PRKCE: variants seen among roughly 807,000 people sequenced by gnomAD.
The protein encoded by PRKCE is protein kinase C epsilon type.
Under a neutral mutation model 85.4 loss-of-function variants are expected in PRKCE, and 16 were observed. That is an observed-to-expected ratio of 0.19 (90% CI 0.13 to 0.28). The LOEUF (loss-of-function observed/expected upper bound fraction) is 0.28. PRKCE is among the 10% of genes least tolerant of loss of function. The pLI is 1.00. For missense variants in PRKCE, 573 were observed against 975.2 expected (o/e 0.59, Z 5.49); for synonymous variants, 388 against 371.5 (o/e 1.04, Z -0.51).
intron 1 of PRKCE, among the ~76,000 whole-genome samples, chr2:45,723,869 C>G (rs149868146): frequency 1.3e-5 from 2 of 152,312 alleles, no homozygotes; most frequent in East Asian, 3.9e-4. Flanking sequence ...TCCCAAAGTG[C>G]TGGGATTACA....
chr2:46,137,508 C>T (rs565395187), intron 11 of PRKCE, among the ~76,000 whole-genome samples: 8 of 150,902 alleles, frequency 5.3e-5, no homozygotes, highest in African/African-American at 9.7e-5. Context: ...CCTAGCACTT[C>T]GGGAGGCCAA....
chr2:45,701,428 C>T (rs1678631888), intron 1 of PRKCE: 1 of 152,142 alleles, frequency 6.6e-6, no homozygotes. Context: ...AAAAATGCTC[C>T]CATCAGTTAC....
At chr2:45,682,324 G>A (rs965343267) in intron 1 of PRKCE, among the ~76,000 whole-genome samples, 6 of 152,076 alleles carry the variant, frequency 3.9e-5, no homozygotes, top group Non-Finnish European at 8.8e-5. Flanking sequence ...TTTTACAGAG[G>A]GTGCCTGTCT....
At chr2:45,822,755 T>C (rs1689638805) in intron 1 of PRKCE, among the ~76,000 whole-genome samples, 1 of 152,238 alleles carries the variant, frequency 6.6e-6, no homozygotes, top group Admixed American at 6.5e-5. Flanking sequence ...GACTTTTCTA[T>C]AGATTTCTCT....
chr2:45,805,201 CT>C lies in PRKCE; in HGVS notation c.349-37797del, dbSNP rs1169228530. ...TAGACACTATTACTACGATTCCTAT[CT>C]TACAGATGAGAAAACAGAGCCATAG... On this transcript the variant is annotated intron_variant, in intron 1 of 14. Transcript: ENST00000306156. 2.6e-5 allele frequency among the ~76,000 whole-genome samples: 4 copies of C among 152,180 alleles called. No individual in the cohort carries two copies. In the East Asian group the frequency reaches 7.7e-4, roughly 29 times the overall value.
chr2:46,006,228 T>C (rs1025087125), intron 8 of PRKCE, among the ~76,000 whole-genome samples: 9 of 152,246 alleles, frequency 5.9e-5, no homozygotes, highest in Non-Finnish European at 1.2e-4. Flanking sequence ...GAAAAACCTT[T>C]TCTTCAAGCT....
intron 10 of PRKCE, among the ~76,000 whole-genome samples, chr2:46,027,157 A>G (rs556463216): frequency 1.1e-4 from 16 of 152,266 alleles, no homozygotes; most frequent in Non-Finnish European, 2.2e-4. Flanking sequence ...CAACAGAGCA[A>G]GACCCTGTCT....
intron 1 of PRKCE, among the ~76,000 whole-genome samples, chr2:45,813,097 C>T (rs183850054): frequency 6.6e-6 from 1 of 152,224 alleles, no homozygotes; most frequent in African/African-American, 2.4e-5. Context: ...GGAGAGAATC[C>T]GCTTTTGGCA....
intron 2 of PRKCE, among the ~76,000 whole-genome samples, chr2:45,858,852 C>G (rs1310413600): frequency 2.6e-5 from 4 of 151,892 alleles, no homozygotes; most frequent in South Asian, 4.2e-4. Flanking sequence ...ACCAGCCTGG[C>G]CAACATGGTG....
chr2:46,005,039 C>A (rs1010144404), intron 8 of PRKCE, among the ~76,000 whole-genome samples: 3 of 152,170 alleles, frequency 2.0e-5, no homozygotes, highest in East Asian at 1.9e-4. Flanking sequence ...ACTCCCTCCC[C>A]CATCATCATA....
chr2:45,799,039 TC>T (rs1257669202), intron 1 of PRKCE, among the ~76,000 whole-genome samples: 1 of 151,828 alleles, frequency 6.6e-6, no homozygotes, highest in African/African-American at 2.4e-5. Flanking sequence ...GGTGGTGGGC[TC>T]CTGTAGTCCC....
At chr2:46,060,951 A>G (rs1163710818) in intron 10 of PRKCE, among the ~76,000 whole-genome samples, 2 of 151,496 alleles carry the variant, frequency 1.3e-5, no homozygotes, top group African/African-American at 4.8e-5. Flanking sequence ...TAGTAGAGAC[A>G]GGGTTTTGTC....
chr2:45,826,800 C>T, intron 1 of PRKCE, among the ~76,000 whole-genome samples: 1 of 152,220 alleles, frequency 6.6e-6, no homozygotes, highest in Non-Finnish European at 1.5e-5. Flanking sequence ...CCTTATCTCA[C>T]ACACTACGTG....
At chr2:45,655,846 GAAAAAAAAA>G (rs34853762) in intron 1 of PRKCE, among the ~76,000 whole-genome samples, 2 of 66,260 alleles carry the variant, frequency 3.0e-5, no homozygotes, top group African/African-American at 1.4e-4. Flanking sequence ...CCTGTCTCTT[GAAAAAAAAA>G]AAAAAAAAAA....
intron 2 of PRKCE, among the ~76,000 whole-genome samples, chr2:45,888,666 G>T (rs368555462): frequency 1.3e-5 from 2 of 152,024 alleles, no homozygotes; most frequent in Non-Finnish European, 2.9e-5. Flanking sequence ...TGGCCAGGCT[G>T]GTTTCGAACT....
chr2:45,887,321 T>C (rs1019499134), intron 2 of PRKCE, among the ~76,000 whole-genome samples: 2 of 152,178 alleles, frequency 1.3e-5, no homozygotes, highest in Non-Finnish European at 2.9e-5. Context: ...GCCATCAAGA[T>C]GAAACTGAGA....
At chr2:45,674,800 G>A (rs967842477) in intron 1 of PRKCE, 4 of 152,232 alleles carry the variant, frequency 2.6e-5, no homozygotes, top group East Asian at 3.8e-4. Flanking sequence ...AGGACTCTGA[G>A]TGAGTCTACA....
chr2:45,904,869 C>G (rs1374839185), intron 2 of PRKCE, among the ~76,000 whole-genome samples: 4 of 152,108 alleles, frequency 2.6e-5, no homozygotes, highest in African/African-American at 9.7e-5. Context: ...CTGGGTGAGC[C>G]TATGTGCTGT....
chr2:46,086,463 C>A (rs1208515229), intron 11 of PRKCE, 101 bp downstream of exon 11: 1 of 1,376,568 alleles, frequency 7.3e-7, no homozygotes, highest in Non-Finnish European at 9.8e-7. Flanking sequence ...CTCTTAGCAA[C>A]CTGCTTTAGA....
Sources: allele counts gnomAD v4.1 joint callset (sites outside exome capture counted in the v4.1 genomes callset), GRCh38; gene constraint gnomAD v4.1.1; transcripts MANE v1.5; gene names NCBI Gene and HGNC (gene_info 2026-07-23, HGNC 2026-07-21).